Variants in ETS1 observed in about 807,000 individuals in gnomAD.
The protein encoded by ETS1 is protein C-ets-1.
A neutral mutation model predicts 58.6 loss-of-function variants in ETS1; 15 were observed. The observed-to-expected ratio is 0.26, with a 90% CI of 0.17 to 0.39. ETS1 has a LOEUF of 0.39. Ranked by LOEUF, ETS1 falls within the 10% of genes least tolerant of loss-of-function variation. The pLI is 1.00. For missense variants in ETS1, 417 were observed against 610.5 expected (o/e 0.68, Z 3.34); for synonymous variants, 214 against 218.2 (o/e 0.98, Z 0.17).
Position 128,524,341 on chromosome 11 carries a change from A to C in ETS1, c.214+31950T>G, listed in dbSNP as rs534053093. On this transcript the variant is annotated intron_variant, in intron 3 of 9. Transcript: ENST00000392668. ...TGAAGCACAGAAACAAAATGAGTGAATGTCCAAATCAAGGAATAGGGTTGC... is the reference window on the plus strand; with the variant it reads ...TGAAGCACAGAAACAAAATGAGTGACTGTCCAAATCAAGGAATAGGGTTGC... Among the ~76,000 whole-genome samples, 141 of 152,350 alleles carry C rather than the reference A, an allele frequency of 9.3e-4. 1 individual carries two copies. The Middle Eastern group carries it at 0.014, about 15-fold the overall frequency.
rs190569869 is a variant in ETS1 at position 128,564,782 on chromosome 11, C to T, written c.69+8280G>A. ...TGGTACCATGGGTGACAGCTTTAGGCATCTTGTGGTATGGAGATGGAGACT... is the reference window on the plus strand; with the variant it reads ...TGGTACCATGGGTGACAGCTTTAGGTATCTTGTGGTATGGAGATGGAGACT... On this transcript the variant is annotated intron_variant, in intron 2 of 9. Transcript: ENST00000392668. Among the ~76,000 whole-genome samples, 385 of 152,200 alleles carry T rather than the reference C, an allele frequency of 2.5e-3. 1 individual carries two copies. Among genetic ancestry groups the T allele is most frequent in the African/African-American group, 8.8e-3 (367 of 41,504 alleles).
At chr11:128,563,809 G>A (rs1835032265) in intron 2 of ETS1, among the ~76,000 whole-genome samples, 1 of 152,210 alleles carries the variant, frequency 6.6e-6, no homozygotes, top group African/African-American at 2.4e-5. Flanking sequence ...GAACAGTGAA[G>A]CTCAGTAAGA....
At chr11:128,533,201 T>C (rs964507051) in intron 3 of ETS1, among the ~76,000 whole-genome samples, 6 of 152,206 alleles carry the variant, frequency 3.9e-5, no homozygotes, top group Non-Finnish European at 8.8e-5. Flanking sequence ...AATAAATTAT[T>C]TGGAAAGGCA....
chr11:128,508,540 T>C (rs1378119874), intron 3 of ETS1, among the ~76,000 whole-genome samples: 1 of 152,210 alleles, frequency 6.6e-6, no homozygotes, highest in African/African-American at 2.4e-5. Flanking sequence ...GGACGCTGTG[T>C]GATTCAGGGA....
chr11:128,532,620 T>C (rs1863914637), intron 3 of ETS1, among the ~76,000 whole-genome samples: 1 of 152,026 alleles, frequency 6.6e-6, no homozygotes, highest in African/African-American at 2.4e-5. Context: ...GATGGGGACA[T>C]ACTCCAAAAT....
At chr11:128,559,436 G>GT (rs1266266615) in intron 2 of ETS1, among the ~76,000 whole-genome samples, 1 of 152,182 alleles carries the variant, frequency 6.6e-6, no homozygotes, top group African/African-American at 2.4e-5. Flanking sequence ...TATGTGGTTG[G>GT]TTTTTTTCCT....
At chr11:128,551,143 G>A (rs1864222048) in intron 3 of ETS1, among the ~76,000 whole-genome samples, 1 of 152,234 alleles carries the variant, frequency 6.6e-6, no homozygotes, top group Non-Finnish European at 1.5e-5. Flanking sequence ...GAGGGGTGCA[G>A]CAGATGATAG....
intron 3 of ETS1, among the ~76,000 whole-genome samples, chr11:128,538,507 C>A (rs2135539202): frequency 6.6e-6 from 1 of 152,246 alleles, no homozygotes; most frequent in South Asian, 2.1e-4. Flanking sequence ...GTCAGGCTGA[C>A]CTGAGCTCAA....
chr11:128,559,350 G>A (rs932124237), intron 2 of ETS1, among the ~76,000 whole-genome samples: 2 of 152,234 alleles, frequency 1.3e-5, no homozygotes, highest in African/African-American at 4.8e-5. Flanking sequence ...CCACACCTGG[G>A]TGATAACAGG....
chr11:128,480,242 G>C lies in ETS1; in HGVS notation c.1072C>G (p.Leu358Val). 2 of 1,614,078 alleles carry C rather than the reference G, an allele frequency of 1.2e-6. No homozygotes were observed. Among genetic ancestry groups the C allele is most frequent in the Non-Finnish European group, 1.7e-6 (2 of 1,180,018 alleles). Residue 358 changes from leucine to valine, a missense_variant, in exon 8 of 10, where the codon CTC (leucine) becomes GTC (valine). Physicochemically the swap from Leu to Val is conservative, Grantham distance 32. Coordinates refer to ENST00000392668, the MANE Select transcript of ETS1 (RefSeq NM_001143820.2). ...GGAATGACAGGCTTGTCCTTATTGAGGTCAGCACGGTCCCGCACATAGTCC... is the reference window on the plus strand; with the variant it reads ...GGAATGACAGGCTTGTCCTTATTGACGTCAGCACGGTCCCGCACATAGTCC... Reference protein sequence around the residue: ...FKDYVRDRADLNKDKPVIPAA... With the variant: ...FKDYVRDRADVNKDKPVIPAA...
chr11:128,509,778 A>C (rs1167556365), intron 3 of ETS1, among the ~76,000 whole-genome samples: 1 of 152,156 alleles, frequency 6.6e-6, no homozygotes, highest in Non-Finnish European at 1.5e-5. Flanking sequence ...GCAACTAGAA[A>C]GGTCTAAGAT....
At chr11:128,575,305 GT>G (rs201170127) in intron 1 of ETS1, among the ~76,000 whole-genome samples, 3,842 of 127,388 alleles carry the variant, frequency 0.03, 162 homozygotes, top group African/African-American at 0.1. Flanking sequence ...ATTGAATGTG[GT>G]TTCTCTCTCT....
chr11:128,587,421 C>T (rs937309564), intron 1 of ETS1, 67 bp downstream of exon 1: 4 of 152,314 alleles, frequency 2.6e-5, no homozygotes, highest in African/African-American at 9.7e-5. Flanking sequence ...TTTAATTCCA[C>T]AGAAATTTTT....
At chr11:128,522,017 C>T (rs753929170) in intron 3 of ETS1, 2 of 1,571,206 alleles carry the variant, frequency 1.3e-6, no homozygotes, top group Non-Finnish European at 8.7e-7. Context: ...GGGGGACGTA[C>T]GGGATGGTAG....
chr11:128,535,431 A>G (rs1342726039), intron 3 of ETS1, among the ~76,000 whole-genome samples: 5 of 152,134 alleles, frequency 3.3e-5, no homozygotes, highest in Admixed American at 1.3e-4. Context: ...CTTTCATTTA[A>G]TTAGATTCCA....
In ETS1 at chr11:128,510,124, A is replaced by G. The variant is rs114743253; in HGVS notation, c.215-19548T>C. Among the ~76,000 whole-genome samples the G allele has an allele frequency of 1.4e-3, 216 of 152,296 alleles. 1 individual carries two copies. The highest frequency in any genetic ancestry group is 4.6e-3 in the African/African-American group (191 of 41,566). On this transcript the variant is annotated intron_variant, in intron 3 of 9. Coordinates refer to ENST00000392668, the MANE Select transcript of ETS1 (RefSeq NM_001143820.2). ...TTGATCTTATATGAAATAAGGATGC[A>G]TTTCCTGTACACATACACATGACTC...
chr11:128,570,448 GC>G (rs1297275620), intron 2 of ETS1, among the ~76,000 whole-genome samples: 2 of 151,786 alleles, frequency 1.3e-5, no homozygotes, highest in Non-Finnish European at 2.9e-5. Context: ...CATCATGTTG[GC>G]CAGGCTGGTC....
At chr11:128,585,156 GAAAGAAAGAAAGA>G (rs1565421811) in intron 1 of ETS1, among the ~76,000 whole-genome samples, 699 of 28,946 alleles carry the variant, frequency 0.024, 81 homozygotes, top group Admixed American at 0.035. Flanking sequence ...AAGAAAGAAA[GAAAGAAAGAAAGA>G]GAAAGAAAGA....
intron 2 of ETS1, among the ~76,000 whole-genome samples, chr11:128,566,595 A>G (rs932297631): frequency 2.6e-5 from 4 of 152,006 alleles, no homozygotes; most frequent in South Asian, 2.1e-4. Flanking sequence ...CATCCTGGCT[A>G]ACACAGTGAA....
Sources: allele counts gnomAD v4.1 joint callset (sites outside exome capture counted in the v4.1 genomes callset), GRCh38; gene constraint gnomAD v4.1.1; transcripts MANE v1.5; gene names NCBI Gene and HGNC (gene_info 2026-07-23, HGNC 2026-07-21).